The following CASP9 variants were observed in gnomAD, a reference collection of about 807,000 sequenced individuals.
CASP9 encodes the protein caspase 9.
A neutral mutation model predicts 43.5 loss-of-function variants in CASP9; 29 were observed. The ratio of observed to expected loss-of-function variants is 0.67; its 90% CI spans 0.50 to 0.91. The LOEUF is 0.91. Among genes scored for constraint, CASP9 ranks in the 40% least tolerant of loss-of-function variants. CASP9 has a pLI of 0.00. For synonymous variants in CASP9, 206 were observed against 211.9 expected (o/e 0.97, Z 0.24); for missense variants, 575 against 537.4 (o/e 1.07, Z -0.69).
upstream of CASP9, chr1:15,524,839 C>T: frequency 1.0e-6 from 1 of 957,976 alleles, no homozygotes; most frequent in Non-Finnish European, 1.2e-6. Flanking sequence ...ATCGCCCCGC[C>T]CTCAGGACGC....
At chr1:15,514,464 T>A (rs1215663502) in intron 2 of CASP9, among the ~76,000 whole-genome samples, 1 of 152,096 alleles carries the variant, frequency 6.6e-6, no homozygotes, top group African/African-American at 2.4e-5. Flanking sequence ...AGGCCCAGCA[T>A]CTAAAAAGGA....
chr1:15,524,470 G>A (rs1710367091), upstream of CASP9: 1 of 908,462 alleles, frequency 1.1e-6, no homozygotes, highest in Non-Finnish European at 1.3e-6. Flanking sequence ...CGCCGCCCCA[G>A]AACACGCTCC....
At chr1:15,499,975 A>G (rs780376585) in intron 6 of CASP9, among the ~76,000 whole-genome samples, 60 of 152,188 alleles carry the variant, frequency 3.9e-4, no homozygotes, top group Non-Finnish European at 6.9e-4. Context: ...TGTGCCCCAC[A>G]TGGCTCAGCT....
intron 2 of CASP9, among the ~76,000 whole-genome samples, chr1:15,510,019 C>T (rs766146864): frequency 1.3e-5 from 2 of 152,134 alleles, no homozygotes; most frequent in African/African-American, 4.8e-5. Context: ...CAACTTCTGC[C>T]TCCTGGGTTC....
rs755662878 is a variant in CASP9 at position 15,507,095 on chromosome 1, C to A, written c.454-20G>T. 1 of 1,612,742 alleles carries A rather than the reference C, an allele frequency of 6.2e-7. No individual in the cohort carries two copies. Among genetic ancestry groups the A allele is most frequent in the Non-Finnish European group, 8.5e-7 (1 of 1,178,912 alleles). ...GTAAGCCTGCCAGCACAGGGACCCA[C>A]GTAAACCCGGGCTCTCCCCACGCTC... On this transcript the variant is annotated intron_variant, in intron 3 of 8. Coordinates refer to ENST00000333868, the MANE Select transcript of CASP9 (RefSeq NM_001229.5).
intron 6 of CASP9, among the ~76,000 whole-genome samples, chr1:15,501,758 ATTTT>A (rs200366405): frequency 6.7e-6 from 1 of 150,210 alleles, no homozygotes; most frequent in East Asian, 1.9e-4. Flanking sequence ...TTTGGCTCAT[ATTTT>A]TTTTTTATTT....
chr1:15,506,294 C>CA (rs35997775), intron 4 of CASP9, among the ~76,000 whole-genome samples: 87,097 of 148,604 alleles, frequency 0.59, 25,871 homozygotes, highest in African/African-American at 0.7. Context: ...ACTAAAAATA[C>CA]AAAAAAAAAA....
intron 1 of CASP9, 78 bp from the exon 2 acceptor site, chr1:15,518,473 C>G: frequency 6.8e-7 from 1 of 1,478,680 alleles, no homozygotes; most frequent in Non-Finnish European, 9.1e-7. Context: ...CATTTCCCAG[C>G]TACTGTAAGT....
rs1710033900 is a variant in CASP9, at chr1:15,518,245, C to T, written c.283G>A (p.Ala95Thr). The T allele has an allele frequency of 6.2e-7, 1 of 1,614,110 alleles. No individual in the cohort carries two copies. The highest frequency in any genetic ancestry group is 1.3e-5 in the African/African-American group (1 of 74,942). The change falls in exon 2 of 9, where the codon GCA becomes ACA. Residue 95 changes from alanine (A) to threonine (T), a missense_variant. Coordinates refer to ENST00000333868, the MANE Select transcript of CASP9 (RefSeq NM_001229.5). ...LASFLRTNRQAAKLSKPTLEN... is the reference protein window; with the variant it reads ...LASFLRTNRQTAKLSKPTLEN... ...AGGGTTGGCTTCGACAACTTTGCTG[C>T]TTGCCTGTTAGTTCGCAGAAACGAA...
rs148718711 is a variant in CASP9 at position 15,508,977 on chromosome 1, C to CA, written c.419-1071dup. 3.2e-3 allele frequency among the ~76,000 whole-genome samples: 488 copies of CA among 152,182 alleles called. 1 individual carries two copies. The highest frequency in any genetic ancestry group is 5.0e-3 in the Admixed American group (76 of 15,300). ...TGGAGTGGGGCTGGCCAGCTTTTCG[C>CA]ACCACATGCAAATGGCACACCTAGC... On this transcript the variant is annotated intron_variant, in intron 2 of 8. Coordinates refer to ENST00000333868, the MANE Select transcript of CASP9 (RefSeq NM_001229.5).
chr1:15,493,338 C>A, intron 8 of CASP9: 1 of 1,263,738 alleles, frequency 7.9e-7, no homozygotes. Context: ...CAGCTGGGGC[C>A]CATACATGCT....
At chr1:15,521,666 T>C (rs1710208458) in intron 1 of CASP9, among the ~76,000 whole-genome samples, 1 of 152,172 alleles carries the variant, frequency 6.6e-6, no homozygotes, top group Admixed American at 6.5e-5. Context: ...AGATTCACCC[T>C]CCTTACCCTG....
intron 6 of CASP9, among the ~76,000 whole-genome samples, chr1:15,496,497 T>C (rs1709109357): frequency 2.0e-5 from 3 of 152,180 alleles, no homozygotes; most frequent in Non-Finnish European, 4.4e-5. Context: ...AATGGTATGA[T>C]TTTATATGCA....
intron 2 of CASP9, among the ~76,000 whole-genome samples, chr1:15,508,308 G>T (rs758009853): frequency 2.0e-5 from 3 of 152,198 alleles, no homozygotes; most frequent in Non-Finnish European, 2.9e-5. Flanking sequence ...TGATGATACA[G>T]GAGACAGAAA....
intron 1 of CASP9, among the ~76,000 whole-genome samples, chr1:15,521,149 T>G (rs1242357352): frequency 3.9e-5 from 4 of 101,938 alleles, no homozygotes; most frequent in Non-Finnish European, 7.2e-5. Flanking sequence ...AGAGCGAGAC[T>G]CCGTCTCAAA....
chr1:15,506,866 C>CA (rs759909279), intron 4 of CASP9, 33 bp downstream of exon 4: 8 of 1,563,074 alleles, frequency 5.1e-6, no homozygotes, highest in Middle Eastern at 1.7e-4. Flanking sequence ...CACTGCCCCC[C>CA]ACCCTGTCTC....
At chr1:15,508,401 CTTTTT>C (rs763118486) in intron 2 of CASP9, among the ~76,000 whole-genome samples, 5 of 151,878 alleles carry the variant, frequency 3.3e-5, no homozygotes, top group Non-Finnish European at 5.9e-5. Flanking sequence ...CGTTTCTTTT[CTTTTT>C]TTTCTTTTTT....
intron 2 of CASP9, among the ~76,000 whole-genome samples, chr1:15,508,641 T>C (rs10754892): frequency 0.59 from 89,120 of 151,960 alleles, 26,800 homozygotes; most frequent in African/African-American, 0.71. Context: ...TCTCAAACTC[T>C]TGACCTCAGT....
chr1:15,504,577 G>C, intron 6 of CASP9, 34 bp downstream of exon 6: 1 of 1,592,094 alleles, frequency 6.3e-7, no homozygotes, highest in Non-Finnish European at 8.5e-7. Flanking sequence ...CTCCCCACCA[G>C]ACCCACCCAG....
Sources: allele counts gnomAD v4.1 joint callset (sites outside exome capture counted in the v4.1 genomes callset), GRCh38; gene constraint gnomAD v4.1.1; transcripts MANE v1.5; gene names NCBI Gene and HGNC (gene_info 2026-07-23, HGNC 2026-07-21).